The following LIPK variants were observed in gnomAD, a reference collection of about 807,000 sequenced individuals.
The protein encoded by LIPK is lipase member K.
In LIPK, 32 loss-of-function variants were observed where a neutral mutation model predicts 48.6. That is an observed-to-expected ratio of 0.66 (90% CI 0.50 to 0.88). LIPK has a LOEUF of 0.88. LIPK is among the 40% of genes least tolerant of loss of function. LIPK has a pLI of 0.00. For missense variants in LIPK, 507 were observed against 478.5 expected, an observed-to-expected ratio of 1.06 and a Z score of -0.56; for synonymous variants, 164 against 157.4, an observed-to-expected ratio of 1.04 and a Z score of -0.32.
chr10:88,725,372 T>A (rs408387), intron 2 of LIPK, among the ~76,000 whole-genome samples: 118,095 of 152,186 alleles, frequency 0.78, 46,792 homozygotes, highest in East Asian at 1. Context: ...TAGCTTTTAA[T>A]CCTTCTATAA....
At chr10:88,728,137 A>C (rs934408106) in intron 3 of LIPK, 4 of 236,472 alleles carry the variant, frequency 1.7e-5, no homozygotes, top group Middle Eastern at 1.7e-3. Context: ...TACATGAACA[A>C]CGTAGAATAA....
intron 9 of LIPK, among the ~76,000 whole-genome samples, chr10:88,751,195 G>T (rs1842857438): frequency 6.6e-6 from 1 of 151,946 alleles, no homozygotes; most frequent in Non-Finnish European, 1.5e-5. Flanking sequence ...TTAGAGAAAA[G>T]TTTTATATTA....
At chr10:88,745,750 C>A (rs1407480467) in intron 9 of LIPK, among the ~76,000 whole-genome samples, 2 of 151,122 alleles carry the variant, frequency 1.3e-5, no homozygotes, top group Non-Finnish European at 3.0e-5. Flanking sequence ...GCTAACAACA[C>A]AATGACAGGA....
At chr10:88,733,516 A>C (rs1021508225) in intron 6 of LIPK, among the ~76,000 whole-genome samples, 1 of 152,236 alleles carries the variant, frequency 6.6e-6, no homozygotes, top group Non-Finnish European at 1.5e-5. Flanking sequence ...ATATCTATAC[A>C]TCCCAGAAAG....
Position 88,726,840 on chromosome 10 carries a change from G to T in LIPK, c.151G>T (p.Val51Phe). ...YWGYPYEEYD[V>F]TTKDGYILGI... ...GGGTTATCCTTATGAAGAGTATGAT[G>T]TTACAACAAAAGATGGTTATATCCT... Residue 51 changes from valine to phenylalanine, a missense_variant, in exon 3 of 10, where the codon GTT (valine) becomes TTT (phenylalanine). By Grantham distance (50) the Val-to-Phe change is conservative. Transcript: ENST00000404190. The T allele has an allele frequency of 1.9e-6, 3 of 1,608,470 alleles. No homozygotes were observed. Among genetic ancestry groups the T allele is most frequent in the Non-Finnish European group, 2.6e-6 (3 of 1,175,798 alleles).
chr10:88,737,799 G>T lies in LIPK; in HGVS notation c.816+18G>T. The T allele has an allele frequency of 6.2e-7, 1 of 1,611,800 alleles. No homozygotes were observed. Among genetic ancestry groups the T allele is most frequent in the Non-Finnish European group, 8.5e-7 (1 of 1,178,426 alleles). Reference sequence around the variant, plus strand: ...TAAATATGGTAGGTGTAAGTAATTGGGTCTGGGAAAACATTTGTTTTGTTG... The same window carrying T: ...TAAATATGGTAGGTGTAAGTAATTGTGTCTGGGAAAACATTTGTTTTGTTG... On this transcript the variant is annotated intron_variant, in intron 7 of 9. Transcript: ENST00000404190.
At chr10:88,745,771 A>C (rs987944131) in intron 9 of LIPK, among the ~76,000 whole-genome samples, 1 of 152,202 alleles carries the variant, frequency 6.6e-6, no homozygotes, top group African/African-American at 2.4e-5. Flanking sequence ...TCAAATCTAC[A>C]CATATTGATA....
intron 6 of LIPK, among the ~76,000 whole-genome samples, chr10:88,734,020 A>G (rs1829736933): frequency 6.6e-6 from 1 of 152,200 alleles, no homozygotes; most frequent in East Asian, 1.9e-4. Flanking sequence ...GCCATTGAAG[A>G]ATATTAAATA....
chr10:88,712,597 T>A (rs983207945), intron 1 of LIPK, among the ~76,000 whole-genome samples: 1 of 152,212 alleles, frequency 6.6e-6, no homozygotes, highest in African/African-American at 2.4e-5. Context: ...AATGTTTTTT[T>A]TTATTAATTC....
intron 1 of LIPK, among the ~76,000 whole-genome samples, chr10:88,717,398 A>AT (rs917365014): frequency 2.6e-5 from 4 of 151,946 alleles, no homozygotes; most frequent in Non-Finnish European, 2.9e-5. Context: ...GGTATTTTCT[A>AT]TTTTTTTATG....
At position 88,736,642 on chromosome 10, in the gene LIPK, G is replaced by C. The variant is rs566516244; in HGVS notation, c.670-993G>C. Among the ~76,000 whole-genome samples, 8 of 152,082 alleles carry C rather than the reference G, an allele frequency of 5.3e-5. No homozygotes were observed. In the South Asian group the frequency reaches 1.7e-3, roughly 32 times the overall value. On this transcript the variant is annotated intron_variant, in intron 6 of 9. Coordinates refer to ENST00000404190, the MANE Select transcript of LIPK (RefSeq NM_001080518.2). ...TTGCTTTATTTATCAATCCATGCTT[G>C]GCAAAACAAATCCATGTGAAAGAAA... is the stretch of plus-strand genomic sequence containing the variant.
At chr10:88,737,521 C>G in intron 6 of LIPK, 114 bp from the exon 7 acceptor site, 1 of 1,048,548 alleles carries the variant, frequency 9.5e-7, no homozygotes, top group Non-Finnish European at 1.4e-6. Flanking sequence ...TCACTAAGGA[C>G]CAACACTGAG....
At chr10:88,727,850 A>C (rs1842376085) in intron 3 of LIPK, 1 of 366,176 alleles carries the variant, frequency 2.7e-6, no homozygotes, top group African/African-American at 2.1e-5. Flanking sequence ...CTTCATTGAC[A>C]AAGTGTGGTT....
chr10:88,727,262 C>T (rs998106594), intron 3 of LIPK, among the ~76,000 whole-genome samples: 1 of 152,332 alleles, frequency 6.6e-6, no homozygotes, highest in Non-Finnish European at 1.5e-5. Flanking sequence ...CTACATGCAA[C>T]CTATCATCGC....
At chr10:88,728,596 T>C (rs1411836537) in intron 3 of LIPK, 2 of 472,150 alleles carry the variant, frequency 4.2e-6, no homozygotes, top group Non-Finnish European at 8.4e-6. Flanking sequence ...AACCTGGAGC[T>C]GATGAATGTC....
At chr10:88,707,748 T>G (rs1841961881) in intron 1 of LIPK, among the ~76,000 whole-genome samples, 2 of 152,152 alleles carry the variant, frequency 1.3e-5, no homozygotes, top group South Asian at 4.1e-4. Flanking sequence ...GGATATCCTA[T>G]TAGGTAAAGA....
chr10:88,731,739 C>A (rs1348659741), intron 4 of LIPK, among the ~76,000 whole-genome samples: 4 of 152,222 alleles, frequency 2.6e-5, no homozygotes, highest in African/African-American at 9.6e-5. Context: ...TACATAGGAT[C>A]AGAAGTAACT....
intron 7 of LIPK, among the ~76,000 whole-genome samples, chr10:88,738,550 C>G (rs1474033360): frequency 1.3e-5 from 2 of 152,232 alleles, no homozygotes; most frequent in African/African-American, 4.8e-5. Flanking sequence ...CTATGTTCCT[C>G]TCTCACTTTC....
chr10:88,740,350 G>A (rs960403307), intron 8 of LIPK, among the ~76,000 whole-genome samples: 1 of 152,168 alleles, frequency 6.6e-6, no homozygotes, highest in African/African-American at 2.4e-5. Flanking sequence ...TCCTCTTTCA[G>A]AAAGTCATCA....
Sources: allele counts gnomAD v4.1 joint callset (sites outside exome capture counted in the v4.1 genomes callset), GRCh38; gene constraint gnomAD v4.1.1; transcripts MANE v1.5; gene names NCBI Gene and HGNC (gene_info 2026-07-23, HGNC 2026-07-21).